ADAMTSL3: variants seen among roughly 807,000 people sequenced by gnomAD.
The protein encoded by ADAMTSL3 is ADAMTS-like protein 3.
ADAMTSL3 carries 128 observed loss-of-function variants against 201.7 expected under a neutral mutation model. The ratio of observed to expected loss-of-function variants is 0.63; its 90% confidence interval spans 0.55 to 0.73. The LOEUF is 0.73. ADAMTSL3 is among the 30% of genes least tolerant of loss of function. The probability of loss-of-function intolerance (pLI) is 0.00; values close to 1 mark genes in which losing one functional copy is unlikely to be tolerated. For missense variants in ADAMTSL3, 1,990 were observed against 2,119.6 expected (o/e 0.94, Z 1.20); for synonymous variants, 738 against 748.4 (o/e 0.99, Z 0.23).
chr15:84,037,101 C>T, intron 29 of ADAMTSL3, 114 bp downstream of exon 29: 2 of 1,099,284 alleles, frequency 1.8e-6, no homozygotes, highest in South Asian at 3.0e-5. Context: ...AGTGTCCCAA[C>T]TGAGGGGCTA....
intron 17 of ADAMTSL3, among the ~76,000 whole-genome samples, chr15:83,941,380 C>T (rs972649617): frequency 6.6e-6 from 1 of 151,558 alleles, no homozygotes; most frequent in Non-Finnish European, 1.5e-5. Context: ...AATATGAGTG[C>T]TTATTTTAAT....
intron 19 of ADAMTSL3, among the ~76,000 whole-genome samples, chr15:83,969,769 TTATAC>T (rs1401018834): frequency 6.6e-6 from 1 of 152,236 alleles, no homozygotes; most frequent in African/African-American, 2.4e-5. Flanking sequence ...AAAGTTTCAA[TTATAC>T]TAGCTGAATA....
intron 9 of ADAMTSL3, among the ~76,000 whole-genome samples, chr15:83,881,880 G>C (rs1420597628): frequency 6.6e-6 from 1 of 150,930 alleles, no homozygotes; most frequent in African/African-American, 2.4e-5. Context: ...AAGGCCGGGC[G>C]CGATGGCTCA....
chr15:83,671,302 G>C (rs1206921618), intron 2 of ADAMTSL3, among the ~76,000 whole-genome samples: 1 of 152,080 alleles, frequency 6.6e-6, no homozygotes, highest in Non-Finnish European at 1.5e-5. Flanking sequence ...AACTTTTTGG[G>C]GGCAGCCCTT....
intron 26 of ADAMTSL3, 124 bp from the exon 27 acceptor site, chr15:84,025,114 C>A: frequency 2.7e-6 from 2 of 748,462 alleles, no homozygotes; most frequent in Non-Finnish European, 4.2e-6. Flanking sequence ...TTCCCATTCC[C>A]ATAGAGACAT....
At chr15:83,734,032 G>A (rs561673206) in intron 3 of ADAMTSL3, among the ~76,000 whole-genome samples, 5 of 152,218 alleles carry the variant, frequency 3.3e-5, no homozygotes, top group African/African-American at 4.8e-5. Flanking sequence ...GTCTCTCAGC[G>A]TAAAAGGAAT....
intron 3 of ADAMTSL3, among the ~76,000 whole-genome samples, chr15:83,760,951 G>C (rs371497780): frequency 1.8e-4 from 28 of 151,906 alleles, no homozygotes; most frequent in East Asian, 1.7e-3. Flanking sequence ...TTCTATTTGG[G>C]TTTAATGTAA....
At chr15:83,885,721 T>G (rs904946211) in intron 10 of ADAMTSL3, among the ~76,000 whole-genome samples, 1 of 151,882 alleles carries the variant, frequency 6.6e-6, no homozygotes, top group Non-Finnish European at 1.5e-5. Context: ...GCTTATTGTC[T>G]GCTTAGTTCA....
chr15:83,996,204 A>G (rs111436996), intron 23 of ADAMTSL3, among the ~76,000 whole-genome samples: 4,107 of 152,324 alleles, frequency 0.027, 194 homozygotes, highest in African/African-American at 0.093. Flanking sequence ...AAAGTAAAAC[A>G]TCTATTGTAT....
In ADAMTSL3 at chr15:83,970,522, G is replaced by A. The variant is rs2067177082; in HGVS notation, c.2529G>A (p.Lys843=). 1.2e-6 allele frequency: 2 copies of A among 1,614,090 alleles called. No individual in the cohort carries two copies. Among genetic ancestry groups the A allele is most frequent in the African/African-American group, 1.3e-5 (1 of 74,940 alleles). ...GTGGTGTTGGAATCCAGAGAAGAAA[G>A]CAGGTGTGTCAAAGGCTGGCAGCCA... is the stretch of plus-strand genomic sequence containing the variant. The part of the protein sequence containing the change: ...VSCGVGIQRR[K]QVCQRLAAKG... Residue 843 remains lysine, a synonymous_variant, in exon 20 of 30, where the codon AAG becomes AAA. Coordinates refer to ENST00000286744, the MANE Select transcript of ADAMTSL3 (RefSeq NM_207517.3).
chr15:83,708,860 A>C (rs2061891879), intron 3 of ADAMTSL3, among the ~76,000 whole-genome samples: 1 of 152,214 alleles, frequency 6.6e-6, no homozygotes, highest in South Asian at 2.1e-4. Context: ...CTTTGGCCCA[A>C]GTGCCTCATT....
At chr15:83,734,812 G>A (rs985949340) in intron 3 of ADAMTSL3, among the ~76,000 whole-genome samples, 2 of 152,070 alleles carry the variant, frequency 1.3e-5, no homozygotes, top group Non-Finnish European at 2.9e-5. Context: ...GATTTTTGCC[G>A]ATGGTGGAAG....
chr15:83,840,226 AC>A (rs1462119349), intron 7 of ADAMTSL3, among the ~76,000 whole-genome samples: 1 of 152,102 alleles, frequency 6.6e-6, no homozygotes, highest in African/African-American at 2.4e-5. Flanking sequence ...AGTACCATGG[AC>A]CCCAAAGGAA....
chr15:83,875,261 C>T (rs1248770651), intron 9 of ADAMTSL3, among the ~76,000 whole-genome samples: 1 of 152,184 alleles, frequency 6.6e-6, no homozygotes, highest in Non-Finnish European at 1.5e-5. Context: ...TTCAGCAAAG[C>T]TGGAGAGGAA....
chr15:83,759,166 T>TA (rs1338316047), intron 3 of ADAMTSL3, among the ~76,000 whole-genome samples: 2 of 152,140 alleles, frequency 1.3e-5, no homozygotes, highest in African/African-American at 4.8e-5. Context: ...ACTAGTATAA[T>TA]AAACTCATGT....
intron 19 of ADAMTSL3, among the ~76,000 whole-genome samples, chr15:83,953,856 G>C (rs191675605): frequency 6.6e-6 from 1 of 152,110 alleles, no homozygotes; most frequent in African/African-American, 2.4e-5. Flanking sequence ...AATATGTCAT[G>C]CCACTCTCTC....
At chr15:83,710,082 G>C (rs1348128321) in intron 3 of ADAMTSL3, among the ~76,000 whole-genome samples, 1 of 152,166 alleles carries the variant, frequency 6.6e-6, no homozygotes, top group African/African-American at 2.4e-5. Context: ...AAGCATGTAG[G>C]ACAAGTAGTG....
intron 3 of ADAMTSL3, among the ~76,000 whole-genome samples, chr15:83,707,949 A>G (rs1468160399): frequency 6.6e-6 from 1 of 152,224 alleles, no homozygotes; most frequent in Non-Finnish European, 1.5e-5. Context: ...CAAAGATTTC[A>G]TACCTGGGGA....
chr15:84,025,422 G>A lies in ADAMTSL3; in HGVS notation c.4642G>A (p.Glu1548Lys). The A allele has an allele frequency of 6.2e-7, 1 of 1,613,842 alleles. No homozygotes were observed. The highest frequency in any genetic ancestry group is 8.5e-7 in the Non-Finnish European group (1 of 1,179,894). The change falls in exon 27 of 30, where the codon GAA becomes AAA. Residue 1548 changes from glutamate to lysine, a missense_variant. By Grantham distance (56) the Glu-to-Lys change is moderately conservative (BLOSUM62 1). Transcript: ENST00000286744. ...TTTTGGTCATCCATGTGTTCAGTGG[G>A]AACCAGGGAACCGGGTAAAGCTAAC... Reference protein sequence around the residue: ...PCFGHPCVQWEPGNRCPGRCM... With the variant: ...PCFGHPCVQWKPGNRCPGRCM...
Sources: allele counts gnomAD v4.1 joint callset (sites outside exome capture counted in the v4.1 genomes callset), GRCh38; gene constraint gnomAD v4.1.1; transcripts MANE v1.5; gene names NCBI Gene and HGNC (gene_info 2026-07-23, HGNC 2026-07-21).